COG5: variants seen among roughly 807,000 people sequenced by gnomAD.
COG5 encodes the protein component of oligomeric golgi complex 5.
Under a neutral mutation model 110.4 loss-of-function variants are expected in COG5, and 86 were observed. The ratio of observed to expected loss-of-function variants is 0.78; its 90% CI spans 0.65 to 0.93. The LOEUF is 0.93. Ranked by LOEUF, COG5 falls within the 40% of genes least tolerant of loss-of-function variation. The pLI, the probability that COG5 is intolerant of heterozygous loss-of-function variation, is 0.00. For synonymous variants in COG5, 360 were observed against 334.6 expected, an observed-to-expected ratio of 1.08 and a Z score of -0.83; for missense variants, 1,077 against 987.0, an observed-to-expected ratio of 1.09 and a Z score of -1.22.
intron 7 of COG5, among the ~76,000 whole-genome samples, chr7:107,379,452 C>T (rs980593785): frequency 1.3e-5 from 2 of 151,996 alleles, no homozygotes; most frequent in Non-Finnish European, 2.9e-5. Context: ...GGGCTAAATG[C>T]CCCAATTAAA....
At chr7:107,407,189 C>T (rs1791914542) in intron 7 of COG5, among the ~76,000 whole-genome samples, 1 of 152,060 alleles carries the variant, frequency 6.6e-6, no homozygotes, top group South Asian at 2.1e-4. Flanking sequence ...TGAGACCAGT[C>T]TGGCCAACAT....
At chr7:107,382,367 A>C (rs549911028) in intron 7 of COG5, among the ~76,000 whole-genome samples, 1 of 152,344 alleles carries the variant, frequency 6.6e-6, no homozygotes, top group African/African-American at 2.4e-5. Flanking sequence ...GCCTATGTAG[A>C]AATAATTATT....
At chr7:107,437,383 C>T (rs1794431431) in intron 6 of COG5, among the ~76,000 whole-genome samples, 1 of 152,100 alleles carries the variant, frequency 6.6e-6, no homozygotes. Context: ...AAGCCAAAAC[C>T]TGAGGTTTAG....
chr7:107,317,315 G>C (rs79450894), intron 11 of COG5, among the ~76,000 whole-genome samples: 2,078 of 152,086 alleles, frequency 0.014, 15 homozygotes, highest in Non-Finnish European at 0.022. Flanking sequence ...TCACAAAATA[G>C]AATACCGGAG....
At chr7:107,484,581 C>A (rs1797545481) in intron 6 of COG5, among the ~76,000 whole-genome samples, 1 of 152,136 alleles carries the variant, frequency 6.6e-6, no homozygotes, top group Admixed American at 6.5e-5. Flanking sequence ...ATGTTTTCCA[C>A]AACTATATAT....
chr7:107,426,368 G>A (rs1347721181), intron 6 of COG5, among the ~76,000 whole-genome samples: 1 of 152,154 alleles, frequency 6.6e-6, no homozygotes, highest in African/African-American at 2.4e-5. Context: ...GCAGGATTTG[G>A]AAAGTGACGC....
intron 7 of COG5, among the ~76,000 whole-genome samples, chr7:107,387,078 C>T (rs1320147132): frequency 6.6e-6 from 1 of 152,194 alleles, no homozygotes; most frequent in African/African-American, 2.4e-5. Flanking sequence ...AAGGGGAGTT[C>T]TTAGCTTGCC....
At chr7:107,265,746 T>C (rs1223705332) in intron 14 of COG5, among the ~76,000 whole-genome samples, 4 of 152,130 alleles carry the variant, frequency 2.6e-5, no homozygotes, top group Non-Finnish European at 5.9e-5. Flanking sequence ...TTATCAAAGA[T>C]CCTTCAGGCT....
intron 7 of COG5, among the ~76,000 whole-genome samples, chr7:107,412,034 G>A (rs2129066810): frequency 6.6e-6 from 1 of 152,210 alleles, no homozygotes; most frequent in East Asian, 1.9e-4. Context: ...ATGATTAAGA[G>A]TGCAAAGTTC....
At chr7:107,550,099 C>T (rs1802779707) in intron 3 of COG5, among the ~76,000 whole-genome samples, 2 of 152,154 alleles carry the variant, frequency 1.3e-5, no homozygotes, top group Non-Finnish European at 1.5e-5. Context: ...AATCACACTT[C>T]TCTCCAGGCT....
chr7:107,257,947 T>C (rs1008098844), intron 15 of COG5, among the ~76,000 whole-genome samples: 24 of 152,166 alleles, frequency 1.6e-4, no homozygotes, highest in African/African-American at 5.8e-4. Flanking sequence ...TATAATTTAC[T>C]ACCATCCACA....
chr7:107,391,118 A>C (rs1397351925), intron 7 of COG5, among the ~76,000 whole-genome samples: 1 of 151,948 alleles, frequency 6.6e-6, no homozygotes, highest in Non-Finnish European at 1.5e-5. Context: ...GAGGGTCGGC[A>C]ACGGTGATTA....
intron 12 of COG5, among the ~76,000 whole-genome samples, chr7:107,294,881 T>G (rs1201459038): frequency 1.1e-5 from 1 of 94,276 alleles, no homozygotes; most frequent in Non-Finnish European, 2.0e-5. Context: ...ATGCCTGGAT[T>G]TGTGTGTGTG....
intron 18 of COG5, 141 bp from the exon 19 acceptor site, chr7:107,230,832 A>C (rs1372901221): frequency 3.5e-5 from 24 of 677,398 alleles, no homozygotes; most frequent in Non-Finnish European, 6.1e-5. Flanking sequence ...TGGCCAACTA[A>C]ATTTATTAAA....
Position 107,309,784 on chromosome 7 carries a change from T to A in COG5, c.1109-11438A>T, listed in dbSNP as rs533666465. Among the ~76,000 whole-genome samples the A allele has an allele frequency of 2.6e-5, 4 of 152,306 alleles. No homozygotes were observed. In the East Asian group the frequency reaches 7.7e-4, roughly 29 times the overall value. ...TTTCATTTTCATTTTGTTTTATAAA[T>A]GTGTAAAATACTTATATGGCTTCAA... On this transcript the variant is annotated intron_variant, in intron 11 of 21. Transcript: ENST00000297135.
Position 107,248,399 on chromosome 7 carries a change from G to A in COG5, c.1850C>T (p.Ser617Phe). ...AAATTTGGTTAGAAGTAATTACCCAGAAAAGTCTTCTTGATGCATGGTGAT... is the reference window on the plus strand; with the variant it reads ...AAATTTGGTTAGAAGTAATTACCCAAAAAAGTCTTCTTGATGCATGGTGAT... The part of the protein sequence containing the change: ...IIITMHQEDF[S>F]GSLSSSGKPD... The change falls in exon 17 of 22, where the codon TCT becomes TTT. Residue 617 changes from serine (S) to phenylalanine (F), a missense_variant. Transcript: ENST00000297135. 8 of 1,600,866 alleles carry A rather than the reference G, an allele frequency of 5.0e-6. No homozygotes were observed. Among genetic ancestry groups the A allele is most frequent in the Non-Finnish European group, 6.8e-6 (8 of 1,168,800 alleles).
At chr7:107,405,186 CTT>C (rs766262959) in intron 7 of COG5, among the ~76,000 whole-genome samples, 3 of 152,204 alleles carry the variant, frequency 2.0e-5, no homozygotes, top group Non-Finnish European at 2.9e-5. Flanking sequence ...CTTTCCATCT[CTT>C]TGTTTCCTTA....
intron 5 of COG5, among the ~76,000 whole-genome samples, chr7:107,545,445 C>G (rs1041736076): frequency 6.6e-6 from 1 of 152,044 alleles, no homozygotes; most frequent in Non-Finnish European, 1.5e-5. Flanking sequence ...CAGTAGAAAT[C>G]TTATAAGCCA....
intron 18 of COG5, 114 bp from the exon 19 acceptor site, chr7:107,230,805 T>G (rs1800724150): frequency 8.6e-6 from 7 of 810,782 alleles, no homozygotes; most frequent in Non-Finnish European, 1.5e-5. Flanking sequence ...TTATCTGGAC[T>G]GTAAGGCAAG....
Sources: allele counts gnomAD v4.1 joint callset (sites outside exome capture counted in the v4.1 genomes callset), GRCh38; gene constraint gnomAD v4.1.1; transcripts MANE v1.5; gene names NCBI Gene and HGNC (gene_info 2026-07-23, HGNC 2026-07-21).